ADGB: variants seen among roughly 807,000 people sequenced by gnomAD.
ADGB encodes androglobin, also known as calpain-7-like protein.
A neutral mutation model predicts 210.5 loss-of-function variants in ADGB; 172 were observed. The ratio of observed to expected loss-of-function variants is 0.82; its 90% CI spans 0.72 to 0.93. The LOEUF (loss-of-function observed/expected upper bound fraction) is 0.93, where lower values mean the gene tolerates loss of function less well. ADGB is among the 40% of genes least tolerant of loss of function. The pLI, the probability that ADGB is intolerant of heterozygous loss-of-function variation, is 0.00. For missense variants in ADGB, 2,025 were observed against 1,964.8 expected, an observed-to-expected ratio of 1.03 and a Z score of -0.58; for synonymous variants, 658 against 662.7, an observed-to-expected ratio of 0.99 and a Z score of 0.11.
In ADGB at chr6:146,672,299, G is replaced by T. The variant is rs773434099; in HGVS notation, c.919G>T (p.Glu307Ter). The change falls in exon 8 of 36, where the codon GAA becomes TAA. Residue 307 changes from glutamate (E) to a stop codon, truncating the protein, a stop_gained. Transcript: ENST00000397944. LOFTEE classifies it high-confidence loss of function. The stretch of plus-strand genomic sequence containing the variant: ...TAAGCTGTCAGATGAGGCCAGCTCT[G>T]AAAGCAAAATAGCAGTGTTAGATTC... ...EFKLSDEASS[E>*]SKIAVLDSKL... is the part of the protein sequence containing the mutation. 2 of 1,551,300 alleles carry T rather than the reference G, an allele frequency of 1.3e-6. No individual in the cohort carries two copies. The highest frequency in any genetic ancestry group is 2.4e-5 in the South Asian group (2 of 84,022).
chr6:146,628,351 C>T (rs984270481), intron 1 of ADGB, among the ~76,000 whole-genome samples: 3 of 151,650 alleles, frequency 2.0e-5, no homozygotes, highest in Non-Finnish European at 4.4e-5. Flanking sequence ...CATTATTATG[C>T]TCATTTTTAA....
chr6:146,733,257 T>G lies in ADGB; in HGVS notation c.2656+2T>G, dbSNP rs1333415202. 3.7e-5 allele frequency: 55 copies of G among 1,497,046 alleles called. No individual in the cohort carries two copies. The highest frequency in any genetic ancestry group is 4.0e-5 in the Non-Finnish European group (45 of 1,128,026). 92.7% of individuals were successfully genotyped at this position (1,497,046 alleles called of 1,614,324 possible). On this transcript the variant is annotated splice_donor_variant, in intron 21 of 35. Transcript: ENST00000397944. LOFTEE classifies it high-confidence loss of function. ...CCTCCTTGGAAGAGGTTTCTTTAGGTACCCATGAATTGTATATATTTAATC... is the reference window on the plus strand; with the variant it reads ...CCTCCTTGGAAGAGGTTTCTTTAGGGACCCATGAATTGTATATATTTAATC...
chr6:146,717,981 TC>T (rs1776758769), intron 16 of ADGB, among the ~76,000 whole-genome samples: 1 of 152,164 alleles, frequency 6.6e-6, no homozygotes, highest in African/African-American at 2.4e-5. Context: ...CTGCATTTTT[TC>T]CCCCGTATCA....
chr6:146,722,565 AG>A (rs1776833907), intron 17 of ADGB, among the ~76,000 whole-genome samples: 1 of 152,178 alleles, frequency 6.6e-6, no homozygotes, highest in South Asian at 2.1e-4. Flanking sequence ...AATCTCAACA[AG>A]GCCTTAGGCA....
At chr6:146,812,239 A>G (rs942012339) in intron 35 of ADGB, among the ~76,000 whole-genome samples, 3 of 152,094 alleles carry the variant, frequency 2.0e-5, no homozygotes, top group African/African-American at 7.3e-5. Context: ...GTTCATATAA[A>G]TGACAAAGAA....
intron 35 of ADGB, chr6:146,802,257 AAACAAC>A (rs146107436): frequency 0.022 from 5,079 of 234,638 alleles, 223 homozygotes; most frequent in African/African-American, 0.11. Flanking sequence ...ATAGGAGAGA[AAACAAC>A]AACAAAATTA....
chr6:146,741,341 T>C, intron 25 of ADGB, 70 bp downstream of exon 25: 1 of 1,437,580 alleles, frequency 7.0e-7, no homozygotes, highest in Non-Finnish European at 9.5e-7. Flanking sequence ...TAGAGGGTCC[T>C]GAAGGGAGGG....
At chr6:146,600,608 T>C (rs531767970) in intron 1 of ADGB, among the ~76,000 whole-genome samples, 42 of 152,304 alleles carry the variant, frequency 2.8e-4, no homozygotes, top group African/African-American at 8.9e-4. Flanking sequence ...TCTGCCAAAA[T>C]AAAACAAAAC....
chr6:146,800,236 C>G (rs1778108368), intron 33 of ADGB, among the ~76,000 whole-genome samples: 1 of 152,070 alleles, frequency 6.6e-6, no homozygotes, highest in Non-Finnish European at 1.5e-5. Context: ...TGGTTTGACA[C>G]TTTCTTTGAA....
chr6:146,705,900 A>G (rs534253196), intron 13 of ADGB, among the ~76,000 whole-genome samples: 184 of 152,200 alleles, frequency 1.2e-3, no homozygotes, highest in African/African-American at 4.3e-3. Context: ...GTGAAGCCAT[A>G]AGGTCCTGGA....
At position 146,784,794 on chromosome 6, in the gene ADGB, G is replaced by A. The variant is rs1025017081; in HGVS notation, c.4212G>A (p.Lys1404=). Reference sequence around the variant, plus strand: ...CAACTGAGCCAGGAAGAGCAATCAAGGTCACCTGATTTCGAAAAGCTGTCA... The same window carrying A: ...CAACTGAGCCAGGAAGAGCAATCAAAGTCACCTGATTTCGAAAAGCTGTCA... ...WETTEPGRAI[K]ASQARLHYLS... is the part of the protein sequence containing the mutation. Residue 1404 remains lysine (K), a splice_region_variant and synonymous_variant, in exon 31 of 36, where the codon AAG becomes AAA. Coordinates refer to ENST00000397944, the MANE Select transcript of ADGB (RefSeq NM_024694.4). 4 of 1,540,488 alleles carry A rather than the reference G, an allele frequency of 2.6e-6. No individual in the cohort carries two copies. Among genetic ancestry groups the A allele is most frequent in the Non-Finnish European group, 3.5e-6 (4 of 1,142,864 alleles).
At chr6:146,743,862 C>G (rs1025574638) in intron 25 of ADGB, among the ~76,000 whole-genome samples, 2 of 152,112 alleles carry the variant, frequency 1.3e-5, no homozygotes, top group African/African-American at 2.4e-5. Context: ...TGCAGTGAGC[C>G]GTGATCACGC....
At chr6:146,723,449 A>T (rs1417977071) in intron 17 of ADGB, among the ~76,000 whole-genome samples, 1 of 152,178 alleles carries the variant, frequency 6.6e-6, no homozygotes, top group East Asian at 1.9e-4. Flanking sequence ...AAATTTTGAT[A>T]AACAGGTTGG....
chr6:146,647,169 T>A (rs566037476), intron 3 of ADGB, among the ~76,000 whole-genome samples: 1 of 150,890 alleles, frequency 6.6e-6, no homozygotes, highest in Non-Finnish European at 1.5e-5. Context: ...AAAACCAGAT[T>A]CCTGGGTCTG....
At chr6:146,677,669 G>A (rs1047745568) in intron 9 of ADGB, among the ~76,000 whole-genome samples, 1 of 152,114 alleles carries the variant, frequency 6.6e-6, no homozygotes, top group African/African-American at 2.4e-5. Context: ...TAAAAGTAAT[G>A]ATGCCTTCCT....
At chr6:146,703,323 T>TTC (rs1334569483) in intron 13 of ADGB, among the ~76,000 whole-genome samples, 2 of 151,952 alleles carry the variant, frequency 1.3e-5, no homozygotes, top group Non-Finnish European at 2.9e-5. Context: ...TATAGCTGAA[T>TTC]AACTAAATTG....
intron 1 of ADGB, among the ~76,000 whole-genome samples, chr6:146,611,031 G>A (rs1780701260): frequency 6.6e-6 from 1 of 152,088 alleles, no homozygotes; most frequent in Non-Finnish European, 1.5e-5. Context: ...CATTGGTATG[G>A]CAGTCAAGGG....
chr6:146,800,489 T>G (rs948400055), intron 33 of ADGB, among the ~76,000 whole-genome samples: 1 of 152,070 alleles, frequency 6.6e-6, no homozygotes, highest in Non-Finnish European at 1.5e-5. Flanking sequence ...AATTAGAACC[T>G]TAAAATGGTT....
At chr6:146,743,022 T>G (rs1390098646) in intron 25 of ADGB, among the ~76,000 whole-genome samples, 4 of 152,196 alleles carry the variant, frequency 2.6e-5, no homozygotes, top group African/African-American at 9.6e-5. Flanking sequence ...TGCAGCAGAA[T>G]GCCTTGGGTT....
Sources: allele counts gnomAD v4.1 joint callset (sites outside exome capture counted in the v4.1 genomes callset), GRCh38; gene constraint gnomAD v4.1.1; transcripts MANE v1.5; gene names NCBI Gene and HGNC (gene_info 2026-07-23, HGNC 2026-07-21).